Variants in GTF2E2 observed in about 807,000 individuals in gnomAD.
The protein encoded by GTF2E2 is general transcription factor IIE subunit 2.
GTF2E2 carries 21 observed loss-of-function variants against 40.5 expected under a neutral mutation model. The ratio of observed to expected loss-of-function variants is 0.52; its 90% CI spans 0.37 to 0.75. The LOEUF is 0.75. GTF2E2 is among the 30% of genes least tolerant of loss of function. GTF2E2 has a pLI of 0.00. For missense variants in GTF2E2, 298 were observed against 338.4 expected, an observed-to-expected ratio of 0.88 and a Z score of 0.94; for synonymous variants, 117 against 121.6, an observed-to-expected ratio of 0.96 and a Z score of 0.25.
intron 7 of GTF2E2, 96 bp downstream of exon 7, chr8:30,580,185 G>C (rs1012779578): frequency 2.8e-6 from 2 of 725,240 alleles, no homozygotes; most frequent in African/African-American, 1.7e-5. Context: ...AAACAATGGC[G>C]GGGGAACAAC....
chr8:30,593,272 T>C (rs1051762912), intron 6 of GTF2E2, among the ~76,000 whole-genome samples: 4 of 152,190 alleles, frequency 2.6e-5, no homozygotes, highest in Admixed American at 1.3e-4. Context: ...TTAGGTCAAA[T>C]TAGTTGATGG....
At chr8:30,600,224 A>C (rs1829138205) in intron 6 of GTF2E2, among the ~76,000 whole-genome samples, 1 of 152,216 alleles carries the variant, frequency 6.6e-6, no homozygotes. Flanking sequence ...TGAGACTGCT[A>C]AATTGGCTTT....
rs754481192 is a variant in GTF2E2 at position 30,607,076 on chromosome 8, A to C, written c.624T>G (p.Cys208Trp). The change falls in exon 6 of 8, where the codon TGT becomes TGG. Residue 208 changes from cysteine (C) to tryptophan (W), a missense_variant. Coordinates refer to ENST00000355904, the MANE Select transcript of GTF2E2 (RefSeq NM_002095.6). The part of the protein sequence containing the change: ...KKILFFNDKS[C>W]QFSVDEEFQK... ...GCTCACCTTCATCCACAGAAAACTG[A>C]CAGCTCTTATCATTGAAGAAAAGTA... The C allele has an allele frequency of 1.4e-6, 2 of 1,423,778 alleles. No homozygotes were observed. The highest frequency in any genetic ancestry group is 3.5e-4 in the Middle Eastern group (2 of 5,642). The allele number at this position is 1,423,778 out of a possible 1,614,324, so 88.2% of individuals were successfully genotyped here. A position where few individuals can be genotyped will look rare whatever the true frequency, so the allele number is the denominator to read the frequency against.
chr8:30,654,478 A>C (rs916364228), intron 1 of GTF2E2, among the ~76,000 whole-genome samples: 1 of 152,006 alleles, frequency 6.6e-6, no homozygotes, highest in Non-Finnish European at 1.5e-5. Context: ...TCATAGCTCA[A>C]TGTAGCCTTG....
At chr8:30,583,595 G>T (rs780699633) in intron 6 of GTF2E2, among the ~76,000 whole-genome samples, 21 of 151,990 alleles carry the variant, frequency 1.4e-4, no homozygotes, top group African/African-American at 4.8e-4. Context: ...GCCAAGGCTG[G>T]TCTCGAACGT....
At chr8:30,619,873 T>G (rs1801036613) in intron 3 of GTF2E2, among the ~76,000 whole-genome samples, 1 of 152,016 alleles carries the variant, frequency 6.6e-6, no homozygotes, top group Non-Finnish European at 1.5e-5. Flanking sequence ...GGGACTTCAT[T>G]GGCATGATTA....
At chr8:30,584,435 G>C (rs1230787767) in intron 6 of GTF2E2, 1 of 152,118 alleles carries the variant, frequency 6.6e-6, no homozygotes, top group Non-Finnish European at 1.5e-5. Flanking sequence ...TTTAAAGGCA[G>C]ACACTTTATT....
intron 3 of GTF2E2, among the ~76,000 whole-genome samples, chr8:30,632,792 G>A (rs573164950): frequency 1.8e-4 from 27 of 152,190 alleles, no homozygotes; most frequent in African/African-American, 6.3e-4. Context: ...ACTGAAGGAG[G>A]ACCTAACAGA....
At position 30,595,640 on chromosome 8, in the gene GTF2E2, G is replaced by A. The variant is rs146057561; in HGVS notation, c.643+11417C>T. On this transcript the variant is annotated intron_variant, in intron 6 of 7. Coordinates refer to ENST00000355904, the MANE Select transcript of GTF2E2 (RefSeq NM_002095.6). ...AGCCCAAGAGTTCAAAACCAGCCTTGGCAACATGGTGAAACCCCATCTCTA... is the reference window on the plus strand; with the variant it reads ...AGCCCAAGAGTTCAAAACCAGCCTTAGCAACATGGTGAAACCCCATCTCTA... Among the ~76,000 whole-genome samples, 390 of 152,216 alleles carry A rather than the reference G, an allele frequency of 2.6e-3. 2 individuals carry two copies. The highest frequency in any genetic ancestry group is 9.0e-3 in the African/African-American group (374 of 41,516).
At chr8:30,638,641 T>C (rs1436643710) in intron 2 of GTF2E2, 2 of 152,544 alleles carry the variant, frequency 1.3e-5, no homozygotes, top group African/African-American at 2.4e-5. Flanking sequence ...AGACAAGAGG[T>C]AGGTTTATAT....
intron 5 of GTF2E2, among the ~76,000 whole-genome samples, chr8:30,611,385 G>A (rs1585962935): frequency 6.6e-6 from 1 of 152,130 alleles, no homozygotes; most frequent in African/African-American, 2.4e-5. Context: ...TGACTCGGCT[G>A]TTAGAATAAG....
intron 6 of GTF2E2, among the ~76,000 whole-genome samples, chr8:30,586,667 T>A (rs1382879478): frequency 1.3e-5 from 2 of 152,170 alleles, no homozygotes; most frequent in Non-Finnish European, 2.9e-5. Context: ...CAAAACAGCA[T>A]GGGACTGGCA....
intron 6 of GTF2E2, among the ~76,000 whole-genome samples, chr8:30,590,155 G>T (rs750735426): frequency 7.9e-5 from 12 of 152,088 alleles, no homozygotes; most frequent in Admixed American, 1.3e-4. Flanking sequence ...CTGTTTCCCA[G>T]GAATATCATA....
At chr8:30,585,822 T>A (rs1375365218) in intron 6 of GTF2E2, among the ~76,000 whole-genome samples, 2 of 142,704 alleles carry the variant, frequency 1.4e-5, no homozygotes, top group African/African-American at 5.2e-5. Flanking sequence ...CAGTGGCTCA[T>A]GCCTGTAATT....
intron 6 of GTF2E2, among the ~76,000 whole-genome samples, chr8:30,589,273 T>C (rs912575686): frequency 6.6e-6 from 1 of 152,030 alleles, no homozygotes; most frequent in African/African-American, 2.4e-5. Context: ...GAAAAAAGTA[T>C]TGGCATGGTG....
intron 6 of GTF2E2, among the ~76,000 whole-genome samples, chr8:30,592,482 C>A (rs1828876368): frequency 6.6e-6 from 1 of 152,182 alleles, no homozygotes; most frequent in African/African-American, 2.4e-5. Context: ...ACACATCGTT[C>A]ACGTATAGTC....
chr8:30,618,366 C>G (rs1032466541), intron 3 of GTF2E2, among the ~76,000 whole-genome samples: 6 of 152,008 alleles, frequency 3.9e-5, no homozygotes, highest in Non-Finnish European at 7.3e-5. Flanking sequence ...TCCTTCATCA[C>G]TAGTAGTAAA....
At chr8:30,643,658 TA>T (rs71206267) in intron 2 of GTF2E2, 79 of 132,198 alleles carry the variant, frequency 6.0e-4, no homozygotes, top group Admixed American at 2.5e-3. Flanking sequence ...AGACTCTGCC[TA>T]AAAAAAAAAA....
At chr8:30,588,830 T>C (rs1585936772) in intron 6 of GTF2E2, among the ~76,000 whole-genome samples, 2 of 152,208 alleles carry the variant, frequency 1.3e-5, no homozygotes, top group African/African-American at 4.8e-5. Context: ...TTTTTACCCA[T>C]TTAAGACTTC....
Sources: gnomAD v4.1 joint callset for allele counts (sites outside exome capture counted in the v4.1 genomes callset) on GRCh38, gnomAD v4.1.1 for gene constraint, MANE v1.5 for transcripts, NCBI Gene and HGNC (gene_info 2026-07-23, HGNC 2026-07-21) for gene names.